ERBB4: variants seen among roughly 807,000 people sequenced by gnomAD.
ERBB4 encodes the protein erb-b2 receptor tyrosine kinase 4.
Under a neutral mutation model 158.0 loss-of-function variants are expected in ERBB4, and 42 were observed. The ratio of observed to expected loss-of-function variants is 0.27; its 90% CI spans 0.21 to 0.34. ERBB4 has a LOEUF of 0.34. ERBB4 is among the 10% of genes least tolerant of loss of function. The pLI, the probability that ERBB4 is intolerant of heterozygous loss-of-function variation, is 1.00. For missense variants in ERBB4, 1,333 were observed against 1,624.1 expected (o/e 0.82, Z 3.08); for synonymous variants, 583 against 558.7 (o/e 1.04, Z -0.61).
chr2:211,415,974 C>T (rs1015622581), intron 25 of ERBB4, among the ~76,000 whole-genome samples: 1 of 152,122 alleles, frequency 6.6e-6, no homozygotes, highest in Non-Finnish European at 1.5e-5. Context: ...AAATCCATTG[C>T]GGGTTACTCA....
chr2:211,899,401 G>A (rs17414355), intron 3 of ERBB4, among the ~76,000 whole-genome samples: 1,652 of 151,916 alleles, frequency 0.011, 14 homozygotes, highest in Middle Eastern at 0.027. Context: ...TTAAATTCGG[G>A]CAATTCATCT....
intron 1 of ERBB4, among the ~76,000 whole-genome samples, chr2:212,207,159 T>C (rs2082789694): frequency 6.6e-6 from 1 of 152,098 alleles, no homozygotes; most frequent in African/African-American, 2.4e-5. Flanking sequence ...TTGTTCAAAG[T>C]AATCATAAAT....
intron 2 of ERBB4, among the ~76,000 whole-genome samples, chr2:212,054,503 A>G (rs1296863448): frequency 6.6e-6 from 1 of 152,220 alleles, no homozygotes; most frequent in Non-Finnish European, 1.5e-5. Context: ...GGAGTAGAAA[A>G]GAGTTTCTAC....
At position 212,191,553 on chromosome 2, in the gene ERBB4, CCTGTTATATATAACACATGTGTT is replaced by C. The variant is rs1362963772; in HGVS notation, c.83-66673_83-66651del. On this transcript the variant is annotated intron_variant, in intron 1 of 27. Coordinates refer to ENST00000342788, the MANE Select transcript of ERBB4 (RefSeq NM_005235.3). The stretch of plus-strand genomic sequence containing the variant: ...TGTTATATATAACACATGTGTTATG[CCTGTTATATATAACACATGTGTT>C]ATGCCTGTTATATATAACACATGTG... 5.5e-4 allele frequency among the ~76,000 whole-genome samples: 72 copies of C among 130,646 alleles called. 2 individuals are homozygous for C. The highest frequency in any genetic ancestry group is 1.8e-3 in the African/African-American group (65 of 35,428). The allele number at this position is 130,646 out of a possible 152,430, so 85.7% of individuals were successfully genotyped here.
intron 1 of ERBB4, among the ~76,000 whole-genome samples, chr2:212,399,822 T>A (rs916174955): frequency 1.3e-5 from 2 of 151,542 alleles, no homozygotes; most frequent in Non-Finnish European, 2.9e-5. Context: ...GAGGTTGCAG[T>A]GAGCCGAGAT....
rs190756920 is a variant in ERBB4, at chr2:212,235,125, G to A, written c.83-110222C>T. Among the ~76,000 whole-genome samples, 1,052 of 152,066 alleles carry A rather than the reference G, an allele frequency of 6.9e-3. 9 individuals carry two copies. The highest frequency in any genetic ancestry group is 0.011 in the Non-Finnish European group (743 of 67,942). On this transcript the variant is annotated intron_variant, in intron 1 of 27. Coordinates refer to ENST00000342788, the MANE Select transcript of ERBB4 (RefSeq NM_005235.3). ...TGGTTTTAGGCCTTACATTTAAGTC[G>A]TTAATCCATCTTGACTTAATTTTTG...
At chr2:211,525,855 C>T (rs144860703) in intron 20 of ERBB4, among the ~76,000 whole-genome samples, 3 of 152,152 alleles carry the variant, frequency 2.0e-5, no homozygotes, top group Admixed American at 6.5e-5. Flanking sequence ...GTGAGTCTCC[C>T]CTTCCTGTGG....
intron 7 of ERBB4, among the ~76,000 whole-genome samples, chr2:211,719,681 C>A (rs1243041747): frequency 6.6e-6 from 1 of 151,746 alleles, no homozygotes; most frequent in Non-Finnish European, 1.5e-5. Context: ...CAGTGAAACC[C>A]CGTCTCTACT....
chr2:211,545,866 T>C (rs918058006), intron 20 of ERBB4, among the ~76,000 whole-genome samples: 1 of 152,028 alleles, frequency 6.6e-6, no homozygotes, highest in African/African-American at 2.4e-5. Flanking sequence ...TAGATGACTG[T>C]CATTAAGCTA....
chr2:212,042,740 C>T (rs945157936), intron 2 of ERBB4, among the ~76,000 whole-genome samples: 1 of 152,128 alleles, frequency 6.6e-6, no homozygotes, highest in African/African-American at 2.4e-5. Context: ...AACTTCGGAA[C>T]TAATTGGAAT....
chr2:212,407,228 C>T (rs924756554), intron 1 of ERBB4, among the ~76,000 whole-genome samples: 1 of 151,510 alleles, frequency 6.6e-6, no homozygotes, highest in Non-Finnish European at 1.5e-5. Flanking sequence ...TGGATCAAAA[C>T]TTCTGAGCAA....
chr2:211,452,344 A>T (rs992887778), intron 20 of ERBB4, among the ~76,000 whole-genome samples: 3 of 151,946 alleles, frequency 2.0e-5, no homozygotes, highest in Non-Finnish European at 4.4e-5. Flanking sequence ...CGCCCGGCTA[A>T]TTTTTGTATT....
At chr2:211,440,547 T>G (rs2125451841) in intron 20 of ERBB4, among the ~76,000 whole-genome samples, 1 of 152,272 alleles carries the variant, frequency 6.6e-6, no homozygotes, top group African/African-American at 2.4e-5. Flanking sequence ...ATTCCTAATA[T>G]TTTGTGGTTT....
intron 1 of ERBB4, among the ~76,000 whole-genome samples, chr2:212,139,689 G>A (rs2080385041): frequency 1.3e-5 from 2 of 151,790 alleles, no homozygotes; most frequent in African/African-American, 4.8e-5. Flanking sequence ...TAGCTGATAA[G>A]CTTCATATGT....
intron 16 of ERBB4, among the ~76,000 whole-genome samples, chr2:211,654,522 T>A (rs1346298799): frequency 1.3e-5 from 2 of 152,240 alleles, no homozygotes; most frequent in African/African-American, 2.4e-5. Flanking sequence ...GTCACTAACC[T>A]ACTGGATTAA....
At chr2:211,558,010 A>G (rs1209421102) in intron 20 of ERBB4, among the ~76,000 whole-genome samples, 2 of 151,932 alleles carry the variant, frequency 1.3e-5, no homozygotes, top group African/African-American at 2.4e-5. Flanking sequence ...GCAAACTAAC[A>G]AGGAACAGAA....
chr2:212,256,683 T>A (rs931601626), intron 1 of ERBB4, among the ~76,000 whole-genome samples: 30 of 152,152 alleles, frequency 2.0e-4, no homozygotes, highest in African/African-American at 6.3e-4. Flanking sequence ...AGAGGATAAG[T>A]CAGTAGCCTC....
chr2:212,257,313 T>G (rs1273088000), intron 1 of ERBB4, among the ~76,000 whole-genome samples: 2 of 152,152 alleles, frequency 1.3e-5, no homozygotes, highest in African/African-American at 4.8e-5. Context: ...TTGAACTTCA[T>G]GATAATGTTT....
intron 1 of ERBB4, among the ~76,000 whole-genome samples, chr2:212,403,037 G>C (rs1343561657): frequency 6.6e-6 from 1 of 151,876 alleles, no homozygotes; most frequent in African/African-American, 2.4e-5. Context: ...TCATTTATTG[G>C]CTTTGTAAAA....
Sources: allele counts gnomAD v4.1 joint callset (sites outside exome capture counted in the v4.1 genomes callset), GRCh38; gene constraint gnomAD v4.1.1; transcripts MANE v1.5; gene names NCBI Gene and HGNC (gene_info 2026-07-23, HGNC 2026-07-21).